Variants in RANBP3 observed in about 807,000 individuals in gnomAD.
RANBP3 encodes RAN binding protein 3.
RANBP3 carries 14 observed loss-of-function variants against 77.3 expected under a neutral mutation model. That is an observed-to-expected ratio of 0.18 (90% CI 0.12 to 0.28). The LOEUF (loss-of-function observed/expected upper bound fraction) is 0.28, where lower values mean the gene tolerates loss of function less well. Among genes scored for constraint, RANBP3 ranks in the 10% least tolerant of loss-of-function variants. RANBP3 has a pLI of 1.00. For missense variants in RANBP3, 586 were observed against 752.3 expected (o/e 0.78, Z 2.59); for synonymous variants, 315 against 312.4 (o/e 1.01, Z -0.09).
chr19:5,962,633 G>C, intron 1 of RANBP3: 1 of 455,856 alleles, frequency 2.2e-6, no homozygotes, highest in South Asian at 1.6e-5. Context: ...TGGGACCCCT[G>C]CTGATGGCAG....
rs78502444 is a variant in RANBP3 at position 5,938,797 on chromosome 19, C to T, written c.406+2824G>A. Among the ~76,000 whole-genome samples, 83 of 152,278 alleles carry T rather than the reference C, an allele frequency of 5.5e-4. 1 individual carries two copies. The East Asian group carries it at 0.013, about 24-fold the overall frequency. On this transcript the variant is annotated intron_variant, in intron 5 of 16. Transcript: ENST00000340578. ...ACAAAAAAGAGGTCTAGAAATTCAC[C>T]AACTTCACAGGCGTTACCTTTGGGA...
chr19:5,958,415 T>C lies in RANBP3; in HGVS notation c.23-442A>G, dbSNP rs1186747287. Among the ~76,000 whole-genome samples the C allele has an allele frequency of 6.6e-6, 1 of 152,256 alleles. No homozygotes were observed. The highest frequency in any genetic ancestry group is 1.5e-5 in the Non-Finnish European group (1 of 68,046). On this transcript the variant is annotated intron_variant, in intron 1 of 16. Coordinates refer to ENST00000340578, the MANE Select transcript of RANBP3 (RefSeq NM_007322.3). This position sits in a 1 kb window ranked among gnomAD's most constrained non-coding sequence, Gnocchi z 4.4. ...AAAAAGGGCCACCGCTCGCGCTGTT[T>C]GCAGACAGTTCTGGTAGAAGAATCC...
At position 5,921,228 on chromosome 19, in the gene RANBP3, C is replaced by T. The variant is rs781006376; in HGVS notation, c.1303G>A (p.Asp435Asn). 15 of 1,612,792 alleles carry T rather than the reference C, an allele frequency of 9.3e-6. 1 individual carries two copies. Among genetic ancestry groups the T allele is most frequent in the East Asian group, 4.5e-5 (2 of 44,882 alleles). The change falls in exon 14 of 17, where the codon GAT becomes AAT. Residue 435 changes from aspartate to asparagine, a missense_variant. Physicochemically the swap from Asp to Asn is conservative, Grantham distance 23 (BLOSUM62 1). Transcript: ENST00000340578. The surrounding 1 kb of genome is among the most constrained non-coding windows in gnomAD (Gnocchi z 5.3). The part of the protein sequence containing the change: ...LLRLNDMAST[D>N]DGTLQSRLVM... ...AGTCGGGACTGTAGTGTGCCGTCATCGGTGGACGCCATGTCATTGAGTCTG... is the reference window on the plus strand; with the variant it reads ...AGTCGGGACTGTAGTGTGCCGTCATTGGTGGACGCCATGTCATTGAGTCTG...
Position 5,959,048 on chromosome 19 carries a change from T to C in RANBP3, c.23-1075A>G, listed in dbSNP as rs140590201. The stretch of plus-strand genomic sequence containing the variant: ...ACGACGAAGGCACTCTGCTTGGGCA[T>C]TGACCTGGTCTGCTCTGGAGTCCAG... On this transcript the variant is annotated intron_variant, in intron 1 of 16. Coordinates refer to ENST00000340578, the MANE Select transcript of RANBP3 (RefSeq NM_007322.3). The surrounding 1 kb of genome is among the most constrained non-coding windows in gnomAD (Gnocchi z 5.1). Among the ~76,000 whole-genome samples the C allele has an allele frequency of 5.5e-4, 84 of 152,266 alleles. No individual in the cohort carries two copies. The East Asian group carries it at 0.013, about 23-fold the overall frequency.
Position 5,917,302 on chromosome 19 carries a change from A to C in RANBP3, c.*308T>G. On this transcript the variant is annotated 3_prime_UTR_variant, in exon 17 of 17. Coordinates refer to ENST00000340578, the MANE Select transcript of RANBP3 (RefSeq NM_007322.3). The stretch of plus-strand genomic sequence containing the variant: ...GGCTGGCGACACGCGGGGTGAAGGA[A>C]CGAGGTCTCCAGTCCCAGTGAGAAG... 1.2e-5 allele frequency: 5 copies of C among 429,548 alleles called. No homozygotes were observed. The highest frequency in any genetic ancestry group is 4.2e-5 in the Admixed American group (1 of 23,692). 26.6% of individuals were successfully genotyped at this position (429,548 alleles called of 1,614,324 possible).
intron 1 of RANBP3, among the ~76,000 whole-genome samples, chr19:5,974,848 A>G (rs748612886): frequency 7.2e-5 from 11 of 152,134 alleles, no homozygotes; most frequent in Non-Finnish European, 1.2e-4. Flanking sequence ...GTTTCAGGAA[A>G]GTTCCCCAGG....
In RANBP3 at chr19:5,959,344, T is replaced by A; in HGVS notation, c.23-1371A>T. On this transcript the variant is annotated intron_variant, in intron 1 of 16. Transcript: ENST00000340578. This position sits in a 1 kb window ranked among gnomAD's most constrained non-coding sequence, Gnocchi z 5.1. ...TGGAGAGAAAGGGACAGCACCAAGATGACCAAACAGACACCATCCCACTCC... is the reference window on the plus strand; with the variant it reads ...TGGAGAGAAAGGGACAGCACCAAGAAGACCAAACAGACACCATCCCACTCC... Among the ~76,000 whole-genome samples, 1 of 152,070 alleles carries A rather than the reference T, an allele frequency of 6.6e-6. No homozygotes were observed. Among genetic ancestry groups the A allele is most frequent in the Admixed American group, 6.5e-5 (1 of 15,288 alleles).
intron 3 of RANBP3, among the ~76,000 whole-genome samples, chr19:5,946,785 G>A (rs1201279772): frequency 6.6e-6 from 1 of 152,196 alleles, no homozygotes; most frequent in Non-Finnish European, 1.5e-5. Flanking sequence ...ATGGTTTGGG[G>A]TGAAGGAACC....
At chr19:5,919,195 G>GA (rs1283850302) in intron 14 of RANBP3, among the ~76,000 whole-genome samples, 2 of 152,202 alleles carry the variant, frequency 1.3e-5, no homozygotes, top group Non-Finnish European at 2.9e-5. Flanking sequence ...GAGAGGAGAC[G>GA]AGAGGACTGT....
chr19:5,937,881 G>A (rs1345977497), intron 5 of RANBP3, among the ~76,000 whole-genome samples: 3 of 152,112 alleles, frequency 2.0e-5, no homozygotes, highest in Non-Finnish European at 4.4e-5. Context: ...AGCACAAATG[G>A]GTCCAGACAC....
intron 3 of RANBP3, among the ~76,000 whole-genome samples, chr19:5,947,039 C>A (rs868524761): frequency 1.3e-5 from 2 of 152,174 alleles, no homozygotes; most frequent in African/African-American, 4.8e-5. Context: ...CCAGGCCGGG[C>A]ACGGTGGCTC....
At chr19:5,931,039 TC>T (rs1476902656) in intron 8 of RANBP3, among the ~76,000 whole-genome samples, 2 of 152,156 alleles carry the variant, frequency 1.3e-5, no homozygotes, top group African/African-American at 2.4e-5. Flanking sequence ...CCCTAGTGAC[TC>T]CTCAGAGTGC....
chr19:5,951,410 G>A lies in RANBP3; in HGVS notation c.265C>T (p.Pro89Ser), dbSNP rs756481089. Reference protein sequence around the residue: ...PAPEAQLPPFPRELAGRSAGG... With the variant: ...PAPEAQLPPFSRELAGRSAGG... ...GGACTTACCCCTGCCAGTTCTCGCG[G>A]AAAAGGAGGAAGCTGGGCTTCAGGA... Residue 89 changes from proline (P) to serine (S), a missense_variant, in exon 3 of 17, where the codon CCG becomes TCG. This residue lies in a region of RANBP3 where 172 missense variants were observed against 183.4 expected (regional missense o/e 0.94). Coordinates refer to ENST00000340578, the MANE Select transcript of RANBP3 (RefSeq NM_007322.3). 2.0e-5 allele frequency: 32 copies of A among 1,564,184 alleles called. No homozygotes were observed. The highest frequency in any genetic ancestry group is 2.4e-5 in the East Asian group (1 of 42,052).
At chr19:5,929,824 AG>A (rs2057964481) in intron 8 of RANBP3, among the ~76,000 whole-genome samples, 1 of 152,216 alleles carries the variant, frequency 6.6e-6, no homozygotes, top group East Asian at 1.9e-4. Context: ...GTGTGGTCAG[AG>A]GGCAGCGTGG....
rs766055807 is a variant in RANBP3 at position 5,921,898 on chromosome 19, G to A, written c.1210-577C>T. 3.3e-5 allele frequency among the ~76,000 whole-genome samples: 5 copies of A among 152,194 alleles called. No homozygotes were observed. Among genetic ancestry groups the A allele is most frequent in the Non-Finnish European group, 2.9e-5 (2 of 68,046 alleles). ...AATAAAGAACAAGGCTCCGACCCCCGCTGCAACGTGGATGAACCTCTGGCT... is the reference window on the plus strand; with the variant it reads ...AATAAAGAACAAGGCTCCGACCCCCACTGCAACGTGGATGAACCTCTGGCT... On this transcript the variant is annotated intron_variant, in intron 13 of 16. Coordinates refer to ENST00000340578, the MANE Select transcript of RANBP3 (RefSeq NM_007322.3). This position sits in a 1 kb window ranked among gnomAD's most constrained non-coding sequence, Gnocchi z 5.3.
chr19:5,922,396 C>T (rs2057833916), intron 13 of RANBP3, among the ~76,000 whole-genome samples: 1 of 152,194 alleles, frequency 6.6e-6, no homozygotes, highest in Non-Finnish European at 1.5e-5. Flanking sequence ...ACCCGGTTTA[C>T]AGACACAGAC....
intron 1 of RANBP3, among the ~76,000 whole-genome samples, chr19:5,966,344 C>A (rs1451018638): frequency 6.6e-6 from 1 of 152,188 alleles, no homozygotes; most frequent in African/African-American, 2.4e-5. Flanking sequence ...AATGGCTGAT[C>A]CCCGACAAGA....
chr19:5,931,096 G>A (rs2057983731), intron 8 of RANBP3, among the ~76,000 whole-genome samples: 1 of 152,208 alleles, frequency 6.6e-6, no homozygotes. Context: ...GAGACATGTG[G>A]CGGTCAGCCT....
chr19:5,925,771 G>A (rs918860293), intron 9 of RANBP3, 34 bp from the exon 10 acceptor site: 2 of 1,573,458 alleles, frequency 1.3e-6, no homozygotes, highest in African/African-American at 1.3e-5. Flanking sequence ...GTAATCGGGG[G>A]TGGGGGGGTG....
Sources: gnomAD v4.1 joint callset for allele counts (sites outside exome capture counted in the v4.1 genomes callset) on GRCh38, gnomAD v4.1.1 for gene constraint, gnomAD v4.1.1 regional missense constraint, Gnocchi (gnomAD v3.1) non-coding constraint, MANE v1.5 for transcripts, NCBI Gene and HGNC (gene_info 2026-07-23, HGNC 2026-07-21) for gene names.